DDX24: variants seen among roughly 807,000 people sequenced by gnomAD.
The protein encoded by DDX24 is DEAD-box helicase 24.
A neutral mutation model predicts 68.9 loss-of-function variants in DDX24; 24 were observed. The observed-to-expected ratio is 0.35, with a 90% confidence interval of 0.25 to 0.49. DDX24 has a LOEUF of 0.49. Ranked by LOEUF, DDX24 falls within the 20% of genes least tolerant of loss-of-function variation. The pLI is 0.99. For synonymous variants in DDX24, 395 were observed against 385.2 expected (o/e 1.03, Z -0.30); for missense variants, 989 against 1,039.0 (o/e 0.95, Z 0.66).
chr14:94,054,421 T>C (rs974444915), intron 7 of DDX24, among the ~76,000 whole-genome samples: 2 of 152,324 alleles, frequency 1.3e-5, no homozygotes, highest in South Asian at 4.1e-4. Context: ...GAAGCTGGGA[T>C]AGAACCTCTT....
intron 2 of DDX24, among the ~76,000 whole-genome samples, chr14:94,066,904 T>C (rs1049856165): frequency 4.6e-5 from 7 of 152,142 alleles, no homozygotes; most frequent in South Asian, 2.1e-4. Context: ...AAACCAACCC[T>C]GGTAATATGA....
intron 1 of DDX24, among the ~76,000 whole-genome samples, chr14:94,080,560 C>T (rs1040064600): frequency 6.6e-6 from 1 of 152,088 alleles, no homozygotes; most frequent in Admixed American, 6.5e-5. Context: ...ATGGGAAAAA[C>T]GAGGACATCT....
Position 94,060,519 on chromosome 14 carries a change from T to C in DDX24, c.1492A>G (p.Asn498Asp), listed in dbSNP as rs1397331627. 3 of 1,614,140 alleles carry C rather than the reference T, an allele frequency of 1.9e-6. No individual in the cohort carries two copies. The highest frequency in any genetic ancestry group is 2.2e-5 in the South Asian group (2 of 91,078). The stretch of plus-strand genomic sequence containing the variant: ...AAAACAAGCGTTTGTCTCTTTGGGT[T>C]GTATTGGGAGTCATTGAGCATCTCT... ...LLEMLNDSQYNPKRQTLVFSA... is the reference protein window; with the variant it reads ...LLEMLNDSQYDPKRQTLVFSA... The change falls in exon 5 of 9, where the codon AAC (asparagine) becomes GAC (aspartate). Residue 498 changes from asparagine (N) to aspartate (D), a missense_variant. Around this residue, in one of 3 missense-constraint regions of DDX24, gnomAD observed 691 missense variants for 760.0 expected, o/e 0.91. Coordinates refer to ENST00000621632, the MANE Select transcript of DDX24 (RefSeq NM_020414.4).
At chr14:94,058,048 G>A (rs2180081) in intron 5 of DDX24, 151 bp from the exon 6 acceptor site, 222,910 of 722,040 alleles carry the variant, frequency 0.31, 35,759 homozygotes, top group Admixed American at 0.4. Flanking sequence ...ACTGAGGCTC[G>A]GAGAGATTAA....
intron 2 of DDX24, among the ~76,000 whole-genome samples, chr14:94,069,438 A>G (rs532487492): frequency 6.6e-6 from 1 of 152,328 alleles, no homozygotes; most frequent in African/African-American, 2.4e-5. Flanking sequence ...CAGACATTCA[A>G]AGAACTGGTC....
At position 94,079,496 on chromosome 14, in the gene DDX24, C is replaced by T; in HGVS notation, c.247G>A (p.Glu83Lys). The change falls in exon 2 of 9, where the codon GAA (glutamate) becomes AAA (lysine). Residue 83 changes from glutamate (E) to lysine (K), a missense_variant. Around this residue, in one of 3 missense-constraint regions of DDX24, gnomAD observed 295 missense variants for 263.0 expected, o/e 1.12. Coordinates refer to ENST00000621632, the MANE Select transcript of DDX24 (RefSeq NM_020414.4). ...APKRKAQAVSEEEEEEEGKSS... is the reference protein window; with the variant it reads ...APKRKAQAVSKEEEEEEGKSS... The stretch of plus-strand genomic sequence containing the variant: ...TTTCCCTCCTCCTCCTCCTCTTCTT[C>T]TGAAACAGCTTGTGCCTTTCTCTTG... 6.2e-7 allele frequency: 1 copy of T among 1,614,160 alleles called. No individual in the cohort carries two copies.
intron 3 of DDX24, among the ~76,000 whole-genome samples, chr14:94,061,494 G>T (rs574108619): frequency 6.6e-6 from 1 of 152,146 alleles, no homozygotes; most frequent in Non-Finnish European, 1.5e-5. Context: ...TGTTGTTTTC[G>T]TCTCTGGTGC....
intron 2 of DDX24, among the ~76,000 whole-genome samples, chr14:94,073,751 A>G (rs187829957): frequency 6.6e-6 from 1 of 151,840 alleles, no homozygotes; most frequent in Non-Finnish European, 1.5e-5. Context: ...TCACTCAAGA[A>G]AAAAATAAGT....
chr14:94,053,275 C>T (rs1440548094), intron 7 of DDX24, 148 bp from the exon 8 acceptor site: 3 of 936,472 alleles, frequency 3.2e-6, no homozygotes, highest in Non-Finnish European at 4.6e-6. Flanking sequence ...TGGCTCACTG[C>T]AGCCTCAACC....
intron 2 of DDX24, among the ~76,000 whole-genome samples, chr14:94,075,942 A>C (rs1396985351): frequency 6.6e-6 from 1 of 152,262 alleles, no homozygotes; most frequent in Non-Finnish European, 1.5e-5. Flanking sequence ...TAAAATTTTA[A>C]AAGTCTAAAA....
At chr14:94,068,989 C>A (rs1177812139) in intron 2 of DDX24, among the ~76,000 whole-genome samples, 3 of 151,898 alleles carry the variant, frequency 2.0e-5, no homozygotes, top group Non-Finnish European at 4.4e-5. Context: ...CCAAACCCAG[C>A]AGAAGAAAGG....
rs1885353249 is a variant in DDX24, at chr14:94,049,768, G to GC, written c.*1422dup. 1 of 151,828 alleles carries GC rather than the reference G, an allele frequency of 6.6e-6. No individual in the cohort carries two copies. Among genetic ancestry groups the GC allele is most frequent in the African/African-American group, 2.4e-5 (1 of 41,280 alleles). 9.4% of individuals were successfully genotyped at this position (151,828 alleles called of 1,614,324 possible). A position where few individuals can be genotyped will look rare whatever the true frequency, so the allele number is the denominator to read the frequency against. On this transcript the variant is annotated 3_prime_UTR_variant, in exon 9 of 9. Coordinates refer to ENST00000621632, the MANE Select transcript of DDX24 (RefSeq NM_020414.4). Reference sequence around the variant, plus strand: ...AATTCAGCCAGGTGTGGTGGTGTGTGCCTGTAGTCCCAGCTACTTGGGAGG... The same window carrying GC: ...AATTCAGCCAGGTGTGGTGGTGTGTGCCCTGTAGTCCCAGCTACTTGGGAGG...
At chr14:94,080,640 C>T (rs367966673) in intron 1 of DDX24, among the ~76,000 whole-genome samples, 2 of 152,162 alleles carry the variant, frequency 1.3e-5, no homozygotes, top group East Asian at 1.9e-4. Context: ...GAGCATGGCG[C>T]CCGGCGAGGA....
intron 2 of DDX24, among the ~76,000 whole-genome samples, chr14:94,068,146 TTAAAG>T (rs1397218043): frequency 6.6e-6 from 1 of 151,914 alleles, no homozygotes; most frequent in Admixed American, 6.6e-5. Context: ...TCACATAAAC[TTAAAG>T]TAAAGGGGTG....
In DDX24 at chr14:94,051,347, C is replaced by G; in HGVS notation, c.2424G>C (p.Lys808Asn). The G allele has an allele frequency of 6.2e-7, 1 of 1,613,440 alleles. No homozygotes were observed. Among genetic ancestry groups the G allele is most frequent in the Non-Finnish European group, 8.5e-7 (1 of 1,179,890 alleles). ...GCGGCTTGCCAGACTGAGTGGGATA[C>G]TTGGTTTTCTGGCTCTCCGTAAACA... ...QPLFTESQKT[K>N]YPTQSGKPPL... is the part of the protein sequence containing the mutation. Residue 808 changes from lysine to asparagine, a missense_variant, in exon 9 of 9, where the codon AAG becomes AAC. By Grantham distance (94) the Lys-to-Asn change is moderately conservative. Transcript: ENST00000621632.
intron 2 of DDX24, among the ~76,000 whole-genome samples, chr14:94,072,783 A>G (rs1193913914): frequency 4.6e-5 from 7 of 152,132 alleles, no homozygotes; most frequent in Non-Finnish European, 8.8e-5. Flanking sequence ...GAGCTGAGAT[A>G]GCACTACTGC....
At chr14:94,059,132 A>G (rs982416262) in intron 5 of DDX24, among the ~76,000 whole-genome samples, 1 of 152,256 alleles carries the variant, frequency 6.6e-6, no homozygotes, top group Admixed American at 6.5e-5. Flanking sequence ...CCTTGTTCTA[A>G]GCTAATCTCA....
At chr14:94,061,160 C>T in intron 3 of DDX24, 94 bp from the exon 4 acceptor site, 1 of 1,428,714 alleles carries the variant, frequency 7.0e-7, no homozygotes, top group African/African-American at 1.4e-5. Flanking sequence ...CAGAGACAGA[C>T]ATCAGCACAG....
intron 2 of DDX24, among the ~76,000 whole-genome samples, chr14:94,071,699 A>G (rs904829839): frequency 3.7e-4 from 57 of 152,132 alleles, no homozygotes; most frequent in African/African-American, 1.3e-3. Context: ...TAATCCCAGC[A>G]CTTTGGGAGG....
Sources: allele counts gnomAD v4.1 joint callset (sites outside exome capture counted in the v4.1 genomes callset), GRCh38; gene constraint gnomAD v4.1.1; regional missense constraint gnomAD v4.1.1; transcripts MANE v1.5; gene names NCBI Gene and HGNC (gene_info 2026-07-23, HGNC 2026-07-21).